The following CD302 variants were observed in gnomAD, a reference collection of about 807,000 sequenced individuals.
The protein encoded by CD302 is CD302 molecule, also known as CD302 antigen.
In CD302, 23 loss-of-function variants were observed where a neutral mutation model predicts 26.5. The ratio of observed to expected loss-of-function variants is 0.87; its 90% CI spans 0.62 to 1.23. The LOEUF (loss-of-function observed/expected upper bound fraction) is 1.23. CD302 is among the 50% of genes most tolerant of loss of function. The pLI is 0.00. For missense variants in CD302, 290 were observed against 275.5 expected (o/e 1.05, Z -0.37); for synonymous variants, 90 against 99.4 (o/e 0.91, Z 0.56).
At chr2:159,790,617 T>C (rs186585755) in intron 1 of CD302, among the ~76,000 whole-genome samples, 2 of 152,336 alleles carry the variant, frequency 1.3e-5, no homozygotes, top group Admixed American at 6.5e-5. Flanking sequence ...ATTCTTTCTC[T>C]TCTTTTTTCC....
At chr2:159,778,295 T>C (rs1490612101) in intron 4 of CD302, among the ~76,000 whole-genome samples, 4 of 152,194 alleles carry the variant, frequency 2.6e-5, no homozygotes, top group African/African-American at 9.6e-5. Flanking sequence ...GTCATAAAAT[T>C]AAACAACTGT....
chr2:159,789,899 T>C (rs2042781), intron 1 of CD302, among the ~76,000 whole-genome samples: 48,459 of 152,162 alleles, frequency 0.32, 9,684 homozygotes, highest in Admixed American at 0.48. Flanking sequence ...CACAGACTGT[T>C]GGGCTCACCT....
rs75658579 is a variant in CD302, at chr2:159,790,278, G to A, written c.68-6809C>T. 9.9e-5 allele frequency among the ~76,000 whole-genome samples: 15 copies of A among 152,182 alleles called. No individual in the cohort carries two copies. In the East Asian group the frequency reaches 2.7e-3, roughly 27 times the overall value. ...TGCTATGAGATGTAGGAGAAGGAGA[G>A]TATAACTTTGTAGAATAAGTGAGCA... On this transcript the variant is annotated intron_variant, in intron 1 of 5. Transcript: ENST00000259053.
intron 2 of CD302, among the ~76,000 whole-genome samples, chr2:159,782,317 G>A (rs926617048): frequency 1.3e-5 from 2 of 148,862 alleles, no homozygotes; most frequent in Non-Finnish European, 3.0e-5. Flanking sequence ...GGAGGCTGAG[G>A]CAGGAGAATG....
chr2:159,790,710 A>G (rs1708784011), intron 1 of CD302, among the ~76,000 whole-genome samples: 1 of 152,190 alleles, frequency 6.6e-6, no homozygotes, highest in Non-Finnish European at 1.5e-5. Flanking sequence ...GAACTGCATT[A>G]CCACACTGAA....
At chr2:159,797,468 T>G (rs893022372) in intron 1 of CD302, among the ~76,000 whole-genome samples, 2 of 152,324 alleles carry the variant, frequency 1.3e-5, no homozygotes, top group East Asian at 3.9e-4. Flanking sequence ...CGAGTCGTTT[T>G]GTAAATGAAT....
chr2:159,772,202 G>T (rs1315349115), intron 5 of CD302, 149 bp from the exon 6 acceptor site: 9 of 812,410 alleles, frequency 1.1e-5, no homozygotes. Context: ...TTTCGCATTT[G>T]TTACTAACAA....
In CD302 at chr2:159,770,776, G is replaced by C. The variant is rs1008067209; in HGVS notation, c.*1075C>G. On this transcript the variant is annotated 3_prime_UTR_variant, in exon 6 of 6. Transcript: ENST00000259053. ...GGGACAAAATAGGCTCTACCATCTGGGTTTGTGTAAATACAAGCTGATTTT... is the reference window on the plus strand; with the variant it reads ...GGGACAAAATAGGCTCTACCATCTGCGTTTGTGTAAATACAAGCTGATTTT... The C allele has an allele frequency of 5.9e-5, 9 of 151,978 alleles. No homozygotes were observed. The highest frequency in any genetic ancestry group is 3.9e-4 in the Admixed American group (6 of 15,254). 9.4% of individuals were successfully genotyped at this position (151,978 alleles called of 1,614,324 possible).
chr2:159,770,850 T>TAA lies in CD302; in HGVS notation c.*999_*1000dup, dbSNP rs1708123477. The TAA allele has an allele frequency of 6.8e-6, 1 of 147,982 alleles. No individual in the cohort carries two copies. Among genetic ancestry groups the TAA allele is most frequent in the Non-Finnish European group, 1.5e-5 (1 of 65,112 alleles). 9.2% of individuals were successfully genotyped at this position (147,982 alleles called of 1,614,324 possible). Reference sequence around the variant, plus strand: ...ATTTCTTAGAACGTATCCCCATTGATAAGTGATACGTGACTAATTTACGTG... The same window carrying TAA: ...ATTTCTTAGAACGTATCCCCATTGATAAAAGTGATACGTGACTAATTTACGTG... On this transcript the variant is annotated 3_prime_UTR_variant, in exon 6 of 6. Transcript: ENST00000259053.
chr2:159,795,953 T>TGTGCTTAAGCACCCTTACGG (rs1708944809), intron 1 of CD302, among the ~76,000 whole-genome samples: 1 of 152,278 alleles, frequency 6.6e-6, no homozygotes, highest in Non-Finnish European at 1.5e-5. Context: ...TCATCTATTA[T>TGTGCTTAAGCACCCTTACGG]GTGCTTAAGC....
Position 159,770,869 on chromosome 2 carries a change from T to C in CD302, c.*982A>G, listed in dbSNP as rs1177311534. The C allele has an allele frequency of 6.6e-6, 1 of 152,172 alleles. No homozygotes were observed. 9.4% of individuals were successfully genotyped at this position (152,172 alleles called of 1,614,324 possible). On this transcript the variant is annotated 3_prime_UTR_variant, in exon 6 of 6. Coordinates refer to ENST00000259053, the MANE Select transcript of CD302 (RefSeq NM_014880.5). ...CATTGATAAGTGATACGTGACTAAT[T>C]TACGTGAAATTTATACATTCTTTAT... is the stretch of plus-strand genomic sequence containing the variant.
intron 1 of CD302, among the ~76,000 whole-genome samples, chr2:159,790,854 AAATG>A (rs1228196123): frequency 6.6e-6 from 1 of 152,244 alleles, no homozygotes; most frequent in African/African-American, 2.4e-5. Flanking sequence ...CAATATATAA[AAATG>A]AATTAATTTT....
chr2:159,788,100 C>T (rs1168802171), intron 1 of CD302, among the ~76,000 whole-genome samples: 2 of 130,480 alleles, frequency 1.5e-5, no homozygotes, highest in East Asian at 2.1e-4. Flanking sequence ...AGTGAGACTC[C>T]GTCTCAAAAA....
intron 2 of CD302, among the ~76,000 whole-genome samples, chr2:159,782,660 G>A (rs1476226239): frequency 6.6e-6 from 1 of 151,460 alleles, no homozygotes; most frequent in Non-Finnish European, 1.5e-5. Flanking sequence ...AGGAGTTCAA[G>A]GCTGTAGTGA....
At chr2:159,790,563 CTG>C (rs757217892) in intron 1 of CD302, among the ~76,000 whole-genome samples, 5 of 152,314 alleles carry the variant, frequency 3.3e-5, no homozygotes, top group Non-Finnish European at 7.3e-5. Flanking sequence ...AAAACTCAAA[CTG>C]AAAGTCAAAA....
chr2:159,789,368 T>C (rs1441993395), intron 1 of CD302, among the ~76,000 whole-genome samples: 1 of 152,228 alleles, frequency 6.6e-6, no homozygotes, highest in Non-Finnish European at 1.5e-5. Context: ...TTTTCAGTTA[T>C]AGAATTTCAA....
At chr2:159,783,954 C>T (rs557129504) in intron 1 of CD302, among the ~76,000 whole-genome samples, 2 of 152,246 alleles carry the variant, frequency 1.3e-5, no homozygotes, top group East Asian at 3.9e-4. Flanking sequence ...TCATATTGCA[C>T]AGGAAAACAA....
intron 2 of CD302, among the ~76,000 whole-genome samples, chr2:159,782,842 A>G (rs1028370077): frequency 6.6e-6 from 1 of 151,958 alleles, no homozygotes; most frequent in Non-Finnish European, 1.5e-5. Context: ...TCCTTAATGT[A>G]CTCTTCTTTA....
rs529320074 is a variant in CD302, at chr2:159,775,578, ATCTG to A, written c.496+2356_496+2359del. On this transcript the variant is annotated intron_variant, in intron 5 of 5. Coordinates refer to ENST00000259053, the MANE Select transcript of CD302 (RefSeq NM_014880.5). ...ACTACTACTGTTGCTTCAGCTATTT[ATCTG>A]TCTCCATGTCTAAATAACATGCTTC... 1.5e-4 allele frequency among the ~76,000 whole-genome samples: 23 copies of A among 152,322 alleles called. No individual in the cohort carries two copies. The South Asian group carries it at 2.3e-3, about 15-fold the overall frequency.
Sources: allele counts gnomAD v4.1 joint callset (sites outside exome capture counted in the v4.1 genomes callset), GRCh38; gene constraint gnomAD v4.1.1; transcripts MANE v1.5; gene names NCBI Gene and HGNC (gene_info 2026-07-23, HGNC 2026-07-21).